PCDHGA1: variants seen among roughly 807,000 people sequenced by gnomAD.
PCDHGA1 encodes the protein protocadherin gamma-A1.
In PCDHGA1, 32 loss-of-function variants were observed where a neutral mutation model predicts 58.0. That is an observed-to-expected ratio of 0.55 (90% CI 0.42 to 0.74). The LOEUF (loss-of-function observed/expected upper bound fraction) is 0.74. Among genes scored for constraint, PCDHGA1 ranks in the 30% least tolerant of loss-of-function variants. The pLI, the probability that PCDHGA1 is intolerant of heterozygous loss-of-function variation, is 0.00. For synonymous variants in PCDHGA1, 498 were observed against 501.1 expected (o/e 0.99, Z 0.08); for missense variants, 1,205 against 1,182.3 (o/e 1.02, Z -0.28).
At chr5:141,498,467 G>C (rs535351060) in intron 2 of PCDHGA1, among the ~76,000 whole-genome samples, 1 of 152,116 alleles carries the variant, frequency 6.6e-6, no homozygotes, top group East Asian at 1.9e-4. Context: ...GTCTAACCCT[G>C]GTTCCAGCCT....
chr5:141,405,260 T>A, intron 1 of PCDHGA1: 1 of 1,614,140 alleles, frequency 6.2e-7, no homozygotes, highest in South Asian at 1.1e-5. Flanking sequence ...TCACCTGATC[T>A]TCCCCCAGCC....
chr5:141,469,476 G>A (rs2154570344), intron 1 of PCDHGA1, among the ~76,000 whole-genome samples: 1 of 152,246 alleles, frequency 6.6e-6, no homozygotes, highest in South Asian at 2.1e-4. Context: ...TCGGGAGGCT[G>A]AGGCAGGAGA....
intron 1 of PCDHGA1, chr5:141,379,119 T>G (rs1179184154): frequency 6.6e-6 from 1 of 152,346 alleles, no homozygotes; most frequent in Admixed American, 6.5e-5. Flanking sequence ...AGAAGATACC[T>G]TGAAAATAAA....
chr5:141,378,222 A>G (rs574464825), intron 1 of PCDHGA1: 1 of 152,350 alleles, frequency 6.6e-6, no homozygotes, highest in South Asian at 2.1e-4. Flanking sequence ...TGTGTGCCTG[A>G]TAGTATTTAA....
Position 141,512,559 on chromosome 5 carries a change from C to T in PCDHGA1, c.*1386C>T, listed in dbSNP as rs1396321304. The T allele has an allele frequency of 6.5e-6, 1 of 152,904 alleles. No individual in the cohort carries two copies. The highest frequency in any genetic ancestry group is 1.5e-5 in the Non-Finnish European group (1 of 68,438). The allele number at this position is 152,904 out of a possible 1,614,324, so 9.5% of individuals were successfully genotyped here. ...CCCCAGTGCCTCCTTGTGCATAGAC[C>T]TTCTTCTCCCACCCCCTTCTGCCCC... On this transcript the variant is annotated 3_prime_UTR_variant, in exon 4 of 4. Coordinates refer to ENST00000517417, the MANE Select transcript of PCDHGA1 (RefSeq NM_018912.3).
At chr5:141,360,418 A>G (rs1372151234) in intron 1 of PCDHGA1, 2 of 1,613,992 alleles carry the variant, frequency 1.2e-6, no homozygotes, top group Non-Finnish European at 1.7e-6. Context: ...CCGAGAACAG[A>G]TATGCGGGAA....
At chr5:141,374,040 T>C (rs749671725) in intron 1 of PCDHGA1, 1 of 1,458,040 alleles carries the variant, frequency 6.9e-7, no homozygotes, top group Admixed American at 2.7e-5. Flanking sequence ...TGCAGATCTG[T>C]TCTTCCTCTT....
intron 1 of PCDHGA1, among the ~76,000 whole-genome samples, chr5:141,455,289 A>C (rs1592356100): frequency 6.6e-6 from 1 of 152,074 alleles, no homozygotes; most frequent in South Asian, 2.1e-4. Flanking sequence ...ATCACTTTAC[A>C]TAGTTTCATC....
At chr5:141,361,833 G>T (rs376471858) in intron 1 of PCDHGA1, 4 of 1,612,898 alleles carry the variant, frequency 2.5e-6, no homozygotes, top group Non-Finnish European at 3.4e-6. Context: ...TGTACCCCGC[G>T]CTGGGGCCTG....
At chr5:141,354,787 T>C (rs1473685855) in intron 1 of PCDHGA1, among the ~76,000 whole-genome samples, 2 of 152,328 alleles carry the variant, frequency 1.3e-5, no homozygotes, top group Admixed American at 6.5e-5. Context: ...ATATTTTCTC[T>C]AAGAAAATAA....
intron 1 of PCDHGA1, chr5:141,378,561 A>C (rs1775013664): frequency 6.6e-6 from 1 of 152,238 alleles, no homozygotes. Context: ...AAGAGTGAAC[A>C]TGAATTTTAA....
chr5:141,474,358 C>A (rs189724264), intron 1 of PCDHGA1, among the ~76,000 whole-genome samples: 30 of 152,290 alleles, frequency 2.0e-4, no homozygotes, highest in African/African-American at 6.5e-4. Context: ...AGTCATGTCT[C>A]AGTAGGTCTA....
At chr5:141,469,782 G>A (rs760985231) in intron 1 of PCDHGA1, among the ~76,000 whole-genome samples, 8 of 152,204 alleles carry the variant, frequency 5.3e-5, no homozygotes, top group African/African-American at 1.7e-4. Context: ...TTATTACAGC[G>A]TTATTTGTAA....
At chr5:141,399,019 A>AC in intron 1 of PCDHGA1, 1 of 1,613,932 alleles carries the variant, frequency 6.2e-7, no homozygotes, top group Non-Finnish European at 8.5e-7. Context: ...CGGAGAAATT[A>AC]CCACTCAAAA....
intron 1 of PCDHGA1, chr5:141,422,813 TAGAACTG>T: frequency 6.2e-7 from 1 of 1,614,192 alleles, no homozygotes; most frequent in Non-Finnish European, 8.5e-7. Flanking sequence ...TTTCGAGACT[TAGAACTG>T]AGAGTGATAG....
At chr5:141,459,930 T>C (rs1385764489) in intron 1 of PCDHGA1, among the ~76,000 whole-genome samples, 1 of 152,176 alleles carries the variant, frequency 6.6e-6, no homozygotes, top group East Asian at 1.9e-4. Context: ...TATATCCTTG[T>C]AGCTGGGCGT....
At chr5:141,503,675 T>C (rs1233495836) in intron 2 of PCDHGA1, among the ~76,000 whole-genome samples, 1 of 152,104 alleles carries the variant, frequency 6.6e-6, no homozygotes. Flanking sequence ...CTTCCCACTT[T>C]TGGGAAGGAG....
intron 1 of PCDHGA1, among the ~76,000 whole-genome samples, chr5:141,471,145 G>T (rs569617031): frequency 3.4e-4 from 50 of 148,740 alleles, no homozygotes; most frequent in Non-Finnish European, 5.4e-4. Flanking sequence ...TGCCTCCTGG[G>T]TTCAAGTGAT....
intron 1 of PCDHGA1, chr5:141,402,840 T>C: frequency 7.2e-7 from 1 of 1,388,218 alleles, no homozygotes; most frequent in Non-Finnish European, 9.5e-7. Flanking sequence ...GCAGCAAAAC[T>C]CAGCCTCTTT....
Sources: gnomAD v4.1 joint callset for allele counts (sites outside exome capture counted in the v4.1 genomes callset) on GRCh38, gnomAD v4.1.1 for gene constraint, MANE v1.5 for transcripts, NCBI Gene and HGNC (gene_info 2026-07-23, HGNC 2026-07-21) for gene names.